The following MEF2A variants were observed in gnomAD, a reference collection of about 807,000 sequenced individuals.
The protein encoded by MEF2A is myocyte-specific enhancer factor 2A.
MEF2A carries 28 observed loss-of-function variants against 55.8 expected under a neutral mutation model. That is an observed-to-expected ratio of 0.50 (90% CI 0.37 to 0.69). The LOEUF is 0.69. MEF2A is among the 30% of genes least tolerant of loss of function. The pLI is 0.00. For missense variants in MEF2A, 528 were observed against 626.2 expected (o/e 0.84, Z 1.67); for synonymous variants, 239 against 227.1 (o/e 1.05, Z -0.47).
chr15:99,677,982 T>A (rs756518811), intron 7 of MEF2A, among the ~76,000 whole-genome samples: 5 of 152,162 alleles, frequency 3.3e-5, no homozygotes, highest in Non-Finnish European at 7.4e-5. Flanking sequence ...ACAATCTTTC[T>A]GGAAAGGTTT....
chr15:99,688,396 G>A (rs1445950403), intron 7 of MEF2A, among the ~76,000 whole-genome samples: 1 of 152,212 alleles, frequency 6.6e-6, no homozygotes, highest in African/African-American at 2.4e-5. Context: ...TACATCATTT[G>A]TTTGCTGTTC....
chr15:99,628,946 G>C (rs1369567936), intron 2 of MEF2A, among the ~76,000 whole-genome samples: 2 of 146,490 alleles, frequency 1.4e-5, no homozygotes, highest in African/African-American at 2.5e-5. Context: ...TCTCTATTTT[G>C]CCTTCATTTC....
chr15:99,664,909 T>A (rs983852368), intron 4 of MEF2A, among the ~76,000 whole-genome samples: 1 of 152,222 alleles, frequency 6.6e-6, no homozygotes, highest in Non-Finnish European at 1.5e-5. Context: ...AGAGATTTTA[T>A]TTGAGTCATT....
chr15:99,640,689 A>G (rs1284242756), intron 3 of MEF2A, among the ~76,000 whole-genome samples: 1 of 150,818 alleles, frequency 6.6e-6, no homozygotes, highest in Non-Finnish European at 1.5e-5. Flanking sequence ...CCAGAGTAAC[A>G]TGGGTATGCG....
chr15:99,691,962 G>GA (rs965046300), intron 8 of MEF2A, among the ~76,000 whole-genome samples: 45 of 151,760 alleles, frequency 3.0e-4, no homozygotes, highest in South Asian at 2.1e-4. Flanking sequence ...GCTTCCTGTA[G>GA]AAAAAAAACT....
At chr15:99,569,344 A>T (rs886571424) in intron 1 of MEF2A, among the ~76,000 whole-genome samples, 3 of 152,226 alleles carry the variant, frequency 2.0e-5, no homozygotes, top group African/African-American at 7.2e-5. Context: ...TCTGAAGATT[A>T]TGTAGGTACC....
At position 99,592,354 on chromosome 15, in the gene MEF2A, C is replaced by T. The variant is rs142504883; in HGVS notation, c.-224-6076C>T. Among the ~76,000 whole-genome samples, 449 of 152,158 alleles carry T rather than the reference C, an allele frequency of 3.0e-3. 1 individual carries two copies. Among genetic ancestry groups the T allele is most frequent in the African/African-American group, 0.01 (424 of 41,524 alleles). On this transcript the variant is annotated intron_variant, in intron 1 of 11. Coordinates refer to ENST00000557942, the MANE Select transcript of MEF2A (RefSeq NM_001319206.4). ...CTGGCCTTGTGAATTTCACTTTATT[C>T]ATGCACACATTCAATGAAAAACTAT...
chr15:99,603,152 C>T (rs969747415), intron 2 of MEF2A, among the ~76,000 whole-genome samples: 4 of 151,946 alleles, frequency 2.6e-5, no homozygotes, highest in Non-Finnish European at 5.9e-5. Flanking sequence ...GTTGTGTGTT[C>T]ATTTACATGG....
intron 2 of MEF2A, among the ~76,000 whole-genome samples, chr15:99,608,899 C>T (rs900288261): frequency 1.4e-5 from 2 of 147,332 alleles, no homozygotes; most frequent in Non-Finnish European, 3.0e-5. Flanking sequence ...GAAACTCCGT[C>T]TCAAAAAAAA....
chr15:99,594,459 CTTTTTTTTTTTTTTT>C (rs67846200), intron 1 of MEF2A, among the ~76,000 whole-genome samples: 13 of 124,376 alleles, frequency 1.0e-4, no homozygotes, highest in African/African-American at 4.8e-4. Context: ...TCCTTTCTTT[CTTTTTTTTTTTTTTT>C]TTTTTTGAAG....
chr15:99,705,339 A>G (rs35487956), intron 9 of MEF2A, among the ~76,000 whole-genome samples: 8,268 of 152,318 alleles, frequency 0.054, 282 homozygotes, highest in East Asian at 0.17. Flanking sequence ...AGGGTTTCTT[A>G]GGACAATAAG....
rs80226399 is a variant in MEF2A, at chr15:99,644,169, G to A, written c.55-1392G>A. 4.8e-3 allele frequency among the ~76,000 whole-genome samples: 732 copies of A among 152,268 alleles called. 5 individuals are homozygous for A. The highest frequency in any genetic ancestry group is 0.017 in the African/African-American group (688 of 41,540). On this transcript the variant is annotated intron_variant, in intron 3 of 11. Coordinates refer to ENST00000557942, the MANE Select transcript of MEF2A (RefSeq NM_001319206.4). ...AGAGAAAACATAAGGTTTTGAGACT[G>A]TTAAAGAGATTAGATCTACATAAAA...
rs183194343 is a variant in MEF2A, at chr15:99,675,519, G to A, written c.670+61G>A. 292 of 1,402,284 alleles carry A rather than the reference G, an allele frequency of 2.1e-4. 3 individuals are homozygous for A. In the African/African-American group the frequency reaches 3.5e-3, roughly 17 times the overall value. 86.9% of individuals were successfully genotyped at this position (1,402,284 alleles called of 1,614,324 possible). A position where few individuals can be genotyped will look rare whatever the true frequency, so the allele number is the denominator to read the frequency against. On this transcript the variant is annotated intron_variant, in intron 7 of 11. Transcript: ENST00000557942. ...CTATCCTATATGAGATCAAAGGAAT[G>A]TTGTTCCTGAAATAAAGCTTTCTGG...
At chr15:99,664,183 A>G (rs1192505073) in intron 4 of MEF2A, among the ~76,000 whole-genome samples, 3 of 152,232 alleles carry the variant, frequency 2.0e-5, no homozygotes, top group Non-Finnish European at 4.4e-5. Flanking sequence ...TAAAGAGACT[A>G]ATAATGTGTT....
At chr15:99,588,251 G>C (rs1968037026) in intron 1 of MEF2A, among the ~76,000 whole-genome samples, 1 of 151,938 alleles carries the variant, frequency 6.6e-6, no homozygotes, top group South Asian at 2.1e-4. Flanking sequence ...TAAGTATTTG[G>C]GACCACAGGC....
chr15:99,670,507 G>A (rs2050657512), intron 4 of MEF2A, among the ~76,000 whole-genome samples: 1 of 152,196 alleles, frequency 6.6e-6, no homozygotes, highest in African/African-American at 2.4e-5. Flanking sequence ...CTACTCGGGA[G>A]GCTGAGGCAG....
chr15:99,699,069 A>C (rs947107507), intron 8 of MEF2A, among the ~76,000 whole-genome samples: 11 of 151,452 alleles, frequency 7.3e-5, no homozygotes, highest in Non-Finnish European at 1.0e-4. Flanking sequence ...AAAAAAAAAA[A>C]ACAAAAAAAA....
At chr15:99,666,694 C>T (rs1291475683) in intron 4 of MEF2A, among the ~76,000 whole-genome samples, 1 of 151,934 alleles carries the variant, frequency 6.6e-6, no homozygotes, top group Non-Finnish European at 1.5e-5. Context: ...TGCTAGACAA[C>T]AAAGCAAAAC....
rs148670633 is a variant in MEF2A at position 99,583,517 on chromosome 15, C to T, written c.-224-14913C>T. Among the ~76,000 whole-genome samples, 15 of 152,064 alleles carry T rather than the reference C, an allele frequency of 9.9e-5. No individual in the cohort carries two copies. In the East Asian group the frequency reaches 2.9e-3, roughly 29 times the overall value. On this transcript the variant is annotated intron_variant, in intron 1 of 11. Transcript: ENST00000557942. Reference sequence around the variant, plus strand: ...TTGTGTTTGTGTGTGCTTCTTGTTACAGGTGTTTGGGTGGTTGAGGACTGT... The same window carrying T: ...TTGTGTTTGTGTGTGCTTCTTGTTATAGGTGTTTGGGTGGTTGAGGACTGT...
Sources: gnomAD v4.1 joint callset for allele counts (sites outside exome capture counted in the v4.1 genomes callset) on GRCh38, gnomAD v4.1.1 for gene constraint, MANE v1.5 for transcripts, NCBI Gene and HGNC (gene_info 2026-07-23, HGNC 2026-07-21) for gene names.